ANGPT1: variants seen among roughly 807,000 people sequenced by gnomAD.
ANGPT1 encodes the protein angiopoietin 1.
A neutral mutation model predicts 62.2 loss-of-function variants in ANGPT1; 17 were observed. That is an observed-to-expected ratio of 0.27 (90% CI 0.19 to 0.41). ANGPT1 has a LOEUF of 0.41. Ranked by LOEUF, ANGPT1 falls within the 10% of genes least tolerant of loss-of-function variation. The pLI, the probability that ANGPT1 is intolerant of heterozygous loss-of-function variation, is 1.00. For synonymous variants in ANGPT1, 199 were observed against 198.9 expected (o/e 1.00, Z 0.00); for missense variants, 478 against 594.9 (o/e 0.80, Z 2.04).
At chr8:107,352,067 G>A (rs1365796052) in intron 1 of ANGPT1, among the ~76,000 whole-genome samples, 1 of 152,136 alleles carries the variant, frequency 6.6e-6, no homozygotes, top group Non-Finnish European at 1.5e-5. Context: ...TTTGAGGCTA[G>A]ATTGACCAGT....
Position 107,282,553 on chromosome 8 carries a change from CATATATATATATATATATAT to C in ANGPT1, c.1205+2109_1205+2128del, listed in dbSNP as rs753412026. Among the ~76,000 whole-genome samples the C allele has an allele frequency of 8.7e-3, 442 of 51,076 alleles. 6 individuals carry two copies. Among genetic ancestry groups the C allele is most frequent in the African/African-American group, 0.028 (412 of 14,574 alleles). 33.5% of individuals were successfully genotyped at this position (51,076 alleles called of 152,430 possible). A position where few individuals can be genotyped will look rare whatever the true frequency, so the allele number is the denominator to read the frequency against. ...TTATATATATATTACATATATGAAC[CATATATATATATATATATAT>C]ATATATATATATATATATATATGAG... On this transcript the variant is annotated intron_variant, in intron 7 of 8. Coordinates refer to ENST00000517746, the MANE Select transcript of ANGPT1 (RefSeq NM_001146.5).
chr8:107,361,225 C>T (rs1586255440), intron 1 of ANGPT1, among the ~76,000 whole-genome samples: 2 of 151,740 alleles, frequency 1.3e-5, no homozygotes, highest in Admixed American at 1.3e-4. Context: ...AGTTTACTAA[C>T]AAAATCCAAT....
At chr8:107,424,613 C>T (rs995227040) in intron 1 of ANGPT1, among the ~76,000 whole-genome samples, 3 of 152,156 alleles carry the variant, frequency 2.0e-5, no homozygotes, top group Non-Finnish European at 4.4e-5. Context: ...CATAACACAT[C>T]CATTGGGAGG....
At chr8:107,336,119 A>T in intron 3 of ANGPT1, 31 bp downstream of exon 3, 1 of 1,577,756 alleles carries the variant, frequency 6.3e-7, no homozygotes, top group Non-Finnish European at 8.6e-7. Flanking sequence ...AAGTACACAC[A>T]GAAACATTTT....
chr8:107,334,724 AG>A (rs1380335558), intron 3 of ANGPT1, among the ~76,000 whole-genome samples: 1 of 152,222 alleles, frequency 6.6e-6, no homozygotes, highest in Non-Finnish European at 1.5e-5. Context: ...TAAACCATAA[AG>A]GGGTGACCCT....
chr8:107,324,215 A>ATGTG (rs71308721), intron 3 of ANGPT1, among the ~76,000 whole-genome samples: 23 of 144,818 alleles, frequency 1.6e-4, no homozygotes, highest in Admixed American at 2.8e-4. Context: ...GTATATATAT[A>ATGTG]TGTGTGTGTG....
intron 1 of ANGPT1, among the ~76,000 whole-genome samples, chr8:107,441,839 A>G (rs146181276): frequency 7.4e-4 from 112 of 152,248 alleles, no homozygotes; most frequent in African/African-American, 2.6e-3. Flanking sequence ...TAATCCCAGC[A>G]CTTTGGGAGG....
At chr8:107,371,104 C>A (rs145259558) in intron 1 of ANGPT1, among the ~76,000 whole-genome samples, 12 of 152,212 alleles carry the variant, frequency 7.9e-5, no homozygotes, top group Non-Finnish European at 1.3e-4. Flanking sequence ...ACAGCTTGAA[C>A]CTGGCGAGAT....
chr8:107,371,721 C>T (rs570325632), intron 1 of ANGPT1, among the ~76,000 whole-genome samples: 1 of 152,074 alleles, frequency 6.6e-6, no homozygotes, highest in African/African-American at 2.4e-5. Context: ...GGTTTACAGG[C>T]ACCCACCAGC....
intron 1 of ANGPT1, among the ~76,000 whole-genome samples, chr8:107,492,583 C>T (rs1202984931): frequency 4.6e-5 from 7 of 151,522 alleles, no homozygotes; most frequent in African/African-American, 1.2e-4. Flanking sequence ...GTGATCTGCC[C>T]GCCTTGGCGT....
intron 1 of ANGPT1, among the ~76,000 whole-genome samples, chr8:107,393,414 T>A (rs1482448992): frequency 6.6e-6 from 1 of 152,188 alleles, no homozygotes; most frequent in Admixed American, 6.5e-5. Flanking sequence ...TCAAACAGTC[T>A]ACCTAAAAAT....
chr8:107,367,489 T>TTTAAAATATTTTAAAATATATG (rs1816299542), intron 1 of ANGPT1, among the ~76,000 whole-genome samples: 2 of 152,118 alleles, frequency 1.3e-5, no homozygotes, highest in Non-Finnish European at 2.9e-5. Context: ...AATAAAACAG[T>TTTAAAATATTTTAAAATATATG]GAAGTTATCC....
At chr8:107,393,844 A>G (rs1816882765) in intron 1 of ANGPT1, among the ~76,000 whole-genome samples, 1 of 152,138 alleles carries the variant, frequency 6.6e-6, no homozygotes, top group African/African-American at 2.4e-5. Context: ...AAAATGGGGG[A>G]TGAACCTGAC....
intron 1 of ANGPT1, among the ~76,000 whole-genome samples, chr8:107,427,682 C>G (rs1302093074): frequency 6.6e-6 from 1 of 152,216 alleles, no homozygotes; most frequent in Non-Finnish European, 1.5e-5. Flanking sequence ...CTTTCTTCCT[C>G]CTCTAGGTTT....
At chr8:107,495,217 A>G (rs927815624) in intron 1 of ANGPT1, among the ~76,000 whole-genome samples, 18 of 152,200 alleles carry the variant, frequency 1.2e-4, no homozygotes, top group African/African-American at 4.3e-4. Context: ...TGCAAATTTA[A>G]ACTGACAATA....
intron 5 of ANGPT1, chr8:107,295,501 A>G (rs950103792): frequency 6.6e-6 from 1 of 152,136 alleles, no homozygotes; most frequent in Admixed American, 6.6e-5. Flanking sequence ...TAAATAAAAT[A>G]TGGGTCAGGT....
chr8:107,479,015 G>A (rs1812606639), intron 1 of ANGPT1, among the ~76,000 whole-genome samples: 1 of 152,132 alleles, frequency 6.6e-6, no homozygotes, highest in Admixed American at 6.5e-5. Context: ...TGGGGTCACT[G>A]AAGACATGAT....
intron 8 of ANGPT1, among the ~76,000 whole-genome samples, chr8:107,256,855 T>G (rs1345279202): frequency 6.6e-6 from 1 of 151,648 alleles, no homozygotes; most frequent in Non-Finnish European, 1.5e-5. Context: ...TTTTTTTTTT[T>G]GTTTTGTTTT....
intron 1 of ANGPT1, among the ~76,000 whole-genome samples, chr8:107,404,467 A>C (rs1250566653): frequency 6.6e-6 from 1 of 152,094 alleles, no homozygotes; most frequent in East Asian, 1.9e-4. Context: ...CAGTTGAATC[A>C]TACTATACAA....
Sources: gnomAD v4.1 joint callset for allele counts (sites outside exome capture counted in the v4.1 genomes callset) on GRCh38, gnomAD v4.1.1 for gene constraint, MANE v1.5 for transcripts, NCBI Gene and HGNC (gene_info 2026-07-23, HGNC 2026-07-21) for gene names.